The following WNK2 variants were observed in gnomAD, a reference collection of about 807,000 sequenced individuals.
The protein encoded by WNK2 is serine/threonine-protein kinase WNK2.
In WNK2, 67 loss-of-function variants were observed where a neutral mutation model predicts 192.1. The ratio of observed to expected loss-of-function variants is 0.35; its 90% CI spans 0.29 to 0.43. WNK2 has a LOEUF of 0.43. WNK2 is among the 20% of genes least tolerant of loss of function. The probability of loss-of-function intolerance (pLI) is 1.00; values close to 1 mark genes in which losing one functional copy is unlikely to be tolerated. For synonymous variants in WNK2, 1,439 were observed against 1,393.9 expected (o/e 1.03, Z -0.72); for missense variants, 2,698 against 3,089.7 (o/e 0.87, Z 3.01).
In WNK2 at chr9:93,292,862, C is replaced by T. The variant is rs767545187; in HGVS notation, c.5397C>T (p.Val1799=). 11 of 1,490,488 alleles carry T rather than the reference C, an allele frequency of 7.4e-6. No homozygotes were observed. Among genetic ancestry groups the T allele is most frequent in the African/African-American group, 1.4e-5 (1 of 71,700 alleles). The allele number at this position is 1,490,488 out of a possible 1,614,324, so 92.3% of individuals were successfully genotyped here. Reference sequence around the variant, plus strand: ...CGCAGACGGCCTCCTCCATCGAGGTCGGCGTGGGCGAGCCCGTGTCCAGCG... The same window carrying T: ...CGCAGACGGCCTCCTCCATCGAGGTTGGCGTGGGCGAGCCCGTGTCCAGCG... ...RRAQTASSIE[V]GVGEPVSSDS... is the part of the protein sequence containing the mutation. The change falls in exon 23 of 30, where the codon GTC becomes GTT. Residue 1799 remains valine, a synonymous_variant. Coordinates refer to ENST00000427277, the MANE Select transcript of WNK2 (RefSeq NM_006648.4).
chr9:93,282,316 G>C (rs1360249537), intron 19 of WNK2, among the ~76,000 whole-genome samples: 7 of 152,000 alleles, frequency 4.6e-5, no homozygotes, highest in African/African-American at 7.3e-5. Context: ...GGTGGGGAAG[G>C]AATTTTTTAA....
chr9:93,277,889 A>G (rs537024833), intron 19 of WNK2, among the ~76,000 whole-genome samples: 1 of 152,342 alleles, frequency 6.6e-6, no homozygotes, highest in South Asian at 2.1e-4. Flanking sequence ...CCAGGCAGAT[A>G]ATGAGACAGA....
intron 2 of WNK2, among the ~76,000 whole-genome samples, chr9:93,214,115 T>C (rs1056253772): frequency 6.6e-6 from 1 of 152,148 alleles, no homozygotes; most frequent in Non-Finnish European, 1.5e-5. Flanking sequence ...TTTCCAAACG[T>C]CTCACAGCAC....
intron 19 of WNK2, among the ~76,000 whole-genome samples, chr9:93,280,594 C>T (rs866591082): frequency 2.0e-5 from 3 of 152,144 alleles, no homozygotes; most frequent in African/African-American, 7.2e-5. Context: ...GACCTGGAAA[C>T]GGCTTAGGTG....
At position 93,256,424 on chromosome 9, in the gene WNK2, C is replaced by A. The variant is rs1460829256; in HGVS notation, c.2160C>A (p.Gly720=). 7 of 1,536,202 alleles carry A rather than the reference C, an allele frequency of 4.6e-6. No homozygotes were observed. The highest frequency in any genetic ancestry group is 6.1e-6 in the Non-Finnish European group (7 of 1,146,620). Residue 720 remains glycine (G), a synonymous_variant, in exon 10 of 30, where the codon GGC becomes GGA. Coordinates refer to ENST00000427277, the MANE Select transcript of WNK2 (RefSeq NM_006648.4). ...LPPPSTPMPT[G]PGQPAPPGQQ... is the part of the protein sequence containing the mutation. ...CGCCCAGCACCCCCATGCCCACGGG[C>A]CCAGGCCAGCCAGCACCCCCCGGCC...
chr9:93,197,059 C>G (rs948390357), intron 2 of WNK2, among the ~76,000 whole-genome samples: 1 of 152,212 alleles, frequency 6.6e-6, no homozygotes, highest in African/African-American at 2.4e-5. Flanking sequence ...AAAGCTTTTT[C>G]CTCTCTGCCA....
At chr9:93,232,488 C>CA (rs1467639051) in intron 4 of WNK2, among the ~76,000 whole-genome samples, 3 of 152,168 alleles carry the variant, frequency 2.0e-5, no homozygotes, top group Non-Finnish European at 4.4e-5. Flanking sequence ...GCAGATTTTG[C>CA]AAATTTGGCT....
intron 2 of WNK2, among the ~76,000 whole-genome samples, chr9:93,216,330 C>T (rs1835737089): frequency 6.6e-6 from 1 of 152,086 alleles, no homozygotes; most frequent in African/African-American, 2.4e-5. Context: ...TTCAGCTTAG[C>T]AGTCACTTTA....
chr9:93,252,804 A>G (rs1842765283), intron 8 of WNK2, 79 bp from the exon 9 acceptor site: 1 of 1,265,068 alleles, frequency 7.9e-7, no homozygotes, highest in Non-Finnish European at 1.0e-6. Flanking sequence ...TTTGCAGAAG[A>G]AAATATGCAG....
At chr9:93,189,574 G>A (rs1262225102) in intron 2 of WNK2, among the ~76,000 whole-genome samples, 1 of 152,232 alleles carries the variant, frequency 6.6e-6, no homozygotes, top group Non-Finnish European at 1.5e-5. Context: ...GTCTGGGAGT[G>A]GATGATGCCA....
chr9:93,320,335 C>T (rs780565283), intron 29 of WNK2, 32 bp from the exon 30 acceptor site: 4 of 1,367,226 alleles, frequency 2.9e-6, no homozygotes, highest in African/African-American at 1.5e-5. Flanking sequence ...CTGCGGTGGG[C>T]CCACAGTCAG....
At chr9:93,232,643 G>A (rs1027067451) in intron 4 of WNK2, among the ~76,000 whole-genome samples, 6 of 152,198 alleles carry the variant, frequency 3.9e-5, no homozygotes, top group African/African-American at 9.7e-5. Context: ...AGAGCCCCTC[G>A]TCTTCCTCTG....
At chr9:93,230,204 G>T (rs796464610) in intron 3 of WNK2, among the ~76,000 whole-genome samples, 6 of 152,268 alleles carry the variant, frequency 3.9e-5, no homozygotes, top group African/African-American at 1.4e-4. Context: ...GAGGGCTGGG[G>T]AGTGGGGAGT....
chr9:93,319,599 G>A (rs1855255443), intron 29 of WNK2, among the ~76,000 whole-genome samples: 1 of 152,252 alleles, frequency 6.6e-6, no homozygotes, highest in Non-Finnish European at 1.5e-5. Flanking sequence ...CCTGTCTCCA[G>A]GAGGCTTGGT....
At chr9:93,232,470 C>T (rs568072103) in intron 4 of WNK2, among the ~76,000 whole-genome samples, 10 of 152,340 alleles carry the variant, frequency 6.6e-5, no homozygotes, top group African/African-American at 2.4e-4. Context: ...GCTCTGTGCA[C>T]TTTCTGGGCA....
chr9:93,306,153 G>A (rs956416746), intron 26 of WNK2, among the ~76,000 whole-genome samples: 1 of 152,202 alleles, frequency 6.6e-6, no homozygotes, highest in Non-Finnish European at 1.5e-5. Flanking sequence ...TGTGGATACT[G>A]ACTTGTTAAT....
Position 93,320,414 on chromosome 9 carries a change from A to G in WNK2, c.*22A>G. The stretch of plus-strand genomic sequence containing the variant: ...CTGACCCCGCCTAGACGCCAGGCCC[A>G]CTTCACGCCGTCTAAGTGGAGAAGT... On this transcript the variant is annotated 3_prime_UTR_variant, in exon 30 of 30. Coordinates refer to ENST00000427277, the MANE Select transcript of WNK2 (RefSeq NM_006648.4). 7.3e-7 allele frequency: 1 copy of G among 1,367,630 alleles called. No individual in the cohort carries two copies. Among genetic ancestry groups the G allele is most frequent in the African/African-American group, 1.5e-5 (1 of 67,866 alleles). 84.7% of individuals were successfully genotyped at this position (1,367,630 alleles called of 1,614,324 possible). A position where few individuals can be genotyped will look rare whatever the true frequency, so the allele number is the denominator to read the frequency against.
chr9:93,288,681 C>T (rs532210874), intron 19 of WNK2, 107 bp from the exon 20 acceptor site: 33 of 1,162,628 alleles, frequency 2.8e-5, no homozygotes, highest in Non-Finnish European at 3.6e-5. Context: ...AAGACCAGCA[C>T]GCTGGGGCCA....
chr9:93,249,015 A>G (rs1350324962), intron 8 of WNK2, among the ~76,000 whole-genome samples: 1 of 152,244 alleles, frequency 6.6e-6, no homozygotes, highest in Non-Finnish European at 1.5e-5. Context: ...ACAAGCAGTC[A>G]TCATGTTGAG....
Sources: gnomAD v4.1 joint callset for allele counts (sites outside exome capture counted in the v4.1 genomes callset) on GRCh38, gnomAD v4.1.1 for gene constraint, MANE v1.5 for transcripts, NCBI Gene and HGNC (gene_info 2026-07-23, HGNC 2026-07-21) for gene names.